Variants in AUTS2 observed in about 807,000 individuals in gnomAD.
AUTS2 encodes the protein autism susceptibility gene 2 protein.
In AUTS2, 17 loss-of-function variants were observed where a neutral mutation model predicts 112.4. That is an observed-to-expected ratio of 0.15 (90% CI 0.10 to 0.23). The LOEUF (loss-of-function observed/expected upper bound fraction) is 0.23. Among genes scored for constraint, AUTS2 ranks in the 10% least tolerant of loss-of-function variants. AUTS2 has a pLI of 1.00. For missense variants in AUTS2, 1,510 were observed against 1,701.6 expected, an observed-to-expected ratio of 0.89 and a Z score of 1.98; for synonymous variants, 751 against 702.7, an observed-to-expected ratio of 1.07 and a Z score of -1.09.
intron 4 of AUTS2, among the ~76,000 whole-genome samples, chr7:70,256,476 A>G (rs1368469600): frequency 6.6e-6 from 1 of 152,160 alleles, no homozygotes; most frequent in African/African-American, 2.4e-5. Flanking sequence ...CATAGTTACA[A>G]ATGGCTTCCA....
intron 4 of AUTS2, among the ~76,000 whole-genome samples, chr7:70,285,330 T>C (rs747369786): frequency 6.6e-6 from 1 of 152,218 alleles, no homozygotes; most frequent in African/African-American, 2.4e-5. Flanking sequence ...CCTTCAGTAT[T>C]TGTTCCTCAA....
chr7:69,894,017 A>G (rs1259258342), intron 1 of AUTS2, among the ~76,000 whole-genome samples: 15 of 152,128 alleles, frequency 9.9e-5, no homozygotes, highest in Non-Finnish European at 1.8e-4. Context: ...GCCTCTCCAT[A>G]TATGTGCTAC....
At chr7:70,592,213 TTCTTC>T (rs1802981924) in intron 5 of AUTS2, among the ~76,000 whole-genome samples, 1 of 152,210 alleles carries the variant, frequency 6.6e-6, no homozygotes. Flanking sequence ...AGAATCTTCT[TTCTTC>T]TCTTAACTTT....
intron 2 of AUTS2, among the ~76,000 whole-genome samples, chr7:70,070,853 G>A (rs1802728909): frequency 2.0e-5 from 3 of 150,390 alleles, no homozygotes; most frequent in African/African-American, 4.9e-5. Context: ...GCTCTAGCCC[G>A]GGCGACACAG....
intron 2 of AUTS2, among the ~76,000 whole-genome samples, chr7:69,987,291 T>A (rs950247388): frequency 6.6e-6 from 1 of 152,220 alleles, no homozygotes; most frequent in Non-Finnish European, 1.5e-5. Context: ...GACAGTGAAA[T>A]GCAGAATTTG....
At chr7:70,286,816 T>C (rs1045333560) in intron 4 of AUTS2, among the ~76,000 whole-genome samples, 6 of 152,184 alleles carry the variant, frequency 3.9e-5, no homozygotes, top group African/African-American at 1.4e-4. Flanking sequence ...TCCAGCCTCT[T>C]TGTCCTTATA....
chr7:69,705,256 C>A (rs951714425), intron 1 of AUTS2, among the ~76,000 whole-genome samples: 2 of 152,118 alleles, frequency 1.3e-5, no homozygotes, highest in African/African-American at 2.4e-5. Flanking sequence ...TAACAATGTG[C>A]GTGCATAGGT....
At chr7:69,906,511 C>A (rs1454993731) in intron 2 of AUTS2, among the ~76,000 whole-genome samples, 2 of 152,188 alleles carry the variant, frequency 1.3e-5, no homozygotes, top group Non-Finnish European at 2.9e-5. Flanking sequence ...AGGCGACTCA[C>A]AATGTGCTAT....
chr7:69,605,942 G>A (rs917469658), intron 1 of AUTS2, among the ~76,000 whole-genome samples: 10 of 152,164 alleles, frequency 6.6e-5, no homozygotes, highest in Non-Finnish European at 1.3e-4. Flanking sequence ...TACTTTATAA[G>A]GCAGAGCATC....
chr7:69,616,519 C>G (rs915270230), intron 1 of AUTS2, among the ~76,000 whole-genome samples: 1 of 152,144 alleles, frequency 6.6e-6, no homozygotes, highest in Non-Finnish European at 1.5e-5. Context: ...GTTTTTTCCC[C>G]CCACAACTAG....
intron 4 of AUTS2, among the ~76,000 whole-genome samples, chr7:70,144,892 T>C (rs183408345): frequency 1.3e-5 from 2 of 152,274 alleles, no homozygotes; most frequent in African/African-American, 2.4e-5. Context: ...GTCTAATGGA[T>C]TCTGTCTTAA....
At chr7:70,505,744 A>G (rs1798934936) in intron 5 of AUTS2, among the ~76,000 whole-genome samples, 1 of 152,190 alleles carries the variant, frequency 6.6e-6, no homozygotes, top group Non-Finnish European at 1.5e-5. Context: ...TGGAGAATTT[A>G]AGTCTCACAT....
chr7:69,727,392 C>T (rs1786568237), intron 1 of AUTS2, among the ~76,000 whole-genome samples: 1 of 151,960 alleles, frequency 6.6e-6, no homozygotes, highest in African/African-American at 2.4e-5. Flanking sequence ...GAGTTCAAGA[C>T]CAGCCTGGCC....
chr7:69,629,185 T>G (rs952749038), intron 1 of AUTS2, among the ~76,000 whole-genome samples: 4 of 152,030 alleles, frequency 2.6e-5, no homozygotes, highest in Admixed American at 2.6e-4. Context: ...ATAACAGAGT[T>G]TGGAGGAAAC....
intron 1 of AUTS2, among the ~76,000 whole-genome samples, chr7:69,888,140 T>G (rs1177107715): frequency 6.6e-6 from 1 of 151,980 alleles, no homozygotes; most frequent in Non-Finnish European, 1.5e-5. Flanking sequence ...CAAGACCTTG[T>G]CTCTACAAAA....
chr7:69,723,885 C>T (rs1786368400), intron 1 of AUTS2, among the ~76,000 whole-genome samples: 1 of 152,156 alleles, frequency 6.6e-6, no homozygotes, highest in Admixed American at 6.5e-5. Context: ...CCTCCTCAGG[C>T]TGCAACAGAA....
At chr7:70,680,233 A>G (rs1476312082) in intron 5 of AUTS2, among the ~76,000 whole-genome samples, 1 of 152,240 alleles carries the variant, frequency 6.6e-6, no homozygotes, top group Non-Finnish European at 1.5e-5. Flanking sequence ...CACAGAGACT[A>G]TTCTCTGTTT....
chr7:69,993,606 T>G (rs1459040093), intron 2 of AUTS2, among the ~76,000 whole-genome samples: 1 of 152,062 alleles, frequency 6.6e-6, no homozygotes, highest in Non-Finnish European at 1.5e-5. Flanking sequence ...TAGTGGTGTG[T>G]ACCTGTGGTA....
At chr7:70,205,140 A>G (rs1810503064) in intron 4 of AUTS2, among the ~76,000 whole-genome samples, 1 of 152,090 alleles carries the variant, frequency 6.6e-6, no homozygotes, top group Non-Finnish European at 1.5e-5. Flanking sequence ...ACCCAGAGTG[A>G]ATGGATCTTC....
Sources: allele counts gnomAD v4.1 joint callset (sites outside exome capture counted in the v4.1 genomes callset), GRCh38; gene constraint gnomAD v4.1.1; transcripts MANE v1.5; gene names NCBI Gene and HGNC (gene_info 2026-07-23, HGNC 2026-07-21).